Variants in RP1 observed in about 807,000 individuals in gnomAD.
The protein encoded by RP1 is oxygen-regulated protein 1.
Under a neutral mutation model 14.8 loss-of-function variants are expected in RP1, and 16 were observed. That is an observed-to-expected ratio of 1.08 (90% confidence interval 0.73 to 1.65). The LOEUF (loss-of-function observed/expected upper bound fraction) is 1.65, where lower values mean the gene tolerates loss of function less well. Ranked by LOEUF, RP1 falls within the 40% of genes most tolerant of loss-of-function variation. RP1 has a pLI of 0.00. For synonymous variants in RP1, 876 were observed against 883.6 expected, an observed-to-expected ratio of 0.99 and a Z score of 0.15; for missense variants, 2,631 against 2,535.0, an observed-to-expected ratio of 1.04 and a Z score of -0.81.
chr8:54,750,252 G>A (rs1304619853), intron 19 of RP1, among the ~76,000 whole-genome samples: 1 of 152,136 alleles, frequency 6.6e-6, no homozygotes, highest in Non-Finnish European at 1.5e-5. Context: ...ATAAACATGT[G>A]TTGAGCACTC....
intron 22 of RP1, among the ~76,000 whole-genome samples, chr8:54,760,619 C>T (rs1275400754): frequency 6.6e-6 from 1 of 152,160 alleles, no homozygotes; most frequent in Non-Finnish European, 1.5e-5. Context: ...CCATTCAAGG[C>T]TTTATAACAT....
intron 19 of RP1, among the ~76,000 whole-genome samples, chr8:54,739,670 C>A (rs1200275501): frequency 6.7e-6 from 1 of 148,736 alleles, no homozygotes; most frequent in African/African-American, 2.5e-5. Flanking sequence ...TTTCATGGTT[C>A]CTTGCAGACT....
At chr8:54,647,461 A>G (rs1222028634) in intron 3 of RP1, among the ~76,000 whole-genome samples, 1 of 152,150 alleles carries the variant, frequency 6.6e-6, no homozygotes, top group Non-Finnish European at 1.5e-5. Flanking sequence ...CATTAATTTA[A>G]TGTGTATTTA....
Position 54,630,381 on chromosome 8 carries a change from T to C in RP1, c.*28T>C, listed in dbSNP as rs199635513. ...TCAATATCAGCACACTCATTCTTTG[T>C]CAATTCATTTTTTCCCATGAGATGA... On this transcript the variant is annotated 3_prime_UTR_variant, in exon 4 of 4. Coordinates refer to ENST00000220676, the MANE Select transcript of RP1 (RefSeq NM_006269.2). The C allele has an allele frequency of 1.2e-6, 2 of 1,611,830 alleles. No individual in the cohort carries two copies. Among genetic ancestry groups the C allele is most frequent in the East Asian group, 4.5e-5 (2 of 44,804 alleles).
intron 1 of RP1, among the ~76,000 whole-genome samples, chr8:54,562,912 A>G (rs151102626): frequency 7.0e-4 from 106 of 152,284 alleles, no homozygotes; most frequent in African/African-American, 2.3e-3. Flanking sequence ...TTCTATTTCT[A>G]CAGGCTTTAG....
chr8:54,614,368 G>A (rs1805664622), upstream of RP1, among the ~76,000 whole-genome samples: 1 of 152,130 alleles, frequency 6.6e-6, no homozygotes, highest in Non-Finnish European at 1.5e-5. Flanking sequence ...TGCCAATGAG[G>A]CTTTTGGCAT....
rs192375255 is a variant in RP1, at chr8:54,781,851, G to A, written c.3452-1696G>A. ...TTCCACCCTTAAGGCCTATGTCATCGTGACATGCTAATTCCAAAAAGGAGG... is the reference window on the plus strand; with the variant it reads ...TTCCACCCTTAAGGCCTATGTCATCATGACATGCTAATTCCAAAAAGGAGG... On this transcript the variant is annotated intron_variant, in intron 23 of 28. Coordinates refer to the RP1 transcript ENST00000637698. Among the ~76,000 whole-genome samples, 6 of 152,180 alleles carry A rather than the reference G, an allele frequency of 3.9e-5. No homozygotes were observed. The East Asian group carries it at 5.8e-4, about 15-fold the overall frequency.
rs748777145 is a variant in RP1, at chr8:54,625,851, C to A, written c.1969C>A (p.Leu657Ile). Residue 657 changes from leucine to isoleucine, a missense_variant, in exon 4 of 4, where the codon CTT (leucine) becomes ATT (isoleucine). Transcript: ENST00000220676. ...ATTTGCTCAGTGTGGTTTAACAAAA[C>A]TTCCAAAAAATGAAAAGAAGATTTT... ...NEFAQCGLTKLPKNEKKILSS... is the reference protein window; with the variant it reads ...NEFAQCGLTKIPKNEKKILSS... 8.7e-6 allele frequency: 14 copies of A among 1,613,498 alleles called. No individual in the cohort carries two copies. The South Asian group carries it at 1.5e-4, about 18-fold the overall frequency.
At chr8:54,717,070 T>C (rs1808421433) in intron 15 of RP1, among the ~76,000 whole-genome samples, 1 of 152,170 alleles carries the variant, frequency 6.6e-6, no homozygotes, top group Non-Finnish European at 1.5e-5. Flanking sequence ...TTTCTCTATG[T>C]AATATATGGT....
At chr8:54,835,653 T>C (rs77109819) in intron 24 of RP1, among the ~76,000 whole-genome samples, 180 of 152,300 alleles carry the variant, frequency 1.2e-3, no homozygotes, top group African/African-American at 4.1e-3. Flanking sequence ...GTAAGATTGG[T>C]ACTATTGTAG....
At position 54,619,077 on chromosome 8, in the gene RP1, G is replaced by A. The variant is rs74359175; in HGVS notation, c.-12-1878G>A. Among the ~76,000 whole-genome samples the A allele has an allele frequency of 1.7e-4, 26 of 152,326 alleles. No individual in the cohort carries two copies. The East Asian group carries it at 4.2e-3, about 25-fold the overall frequency. On this transcript the variant is annotated intron_variant, in intron 1 of 3. Transcript: ENST00000220676. ...GTTGACCAGATGAGGATGAGAAGAG[G>A]TTGCAGTTTTGCTGACTCCATTGCG...
chr8:54,590,921 G>A (rs1198181908), intron 1 of RP1, among the ~76,000 whole-genome samples: 3 of 152,168 alleles, frequency 2.0e-5, no homozygotes, highest in African/African-American at 7.2e-5. Context: ...CCCCGTATCA[G>A]TAAATGGTCC....
chr8:54,616,965 T>G (rs1476441443), intron 1 of RP1, among the ~76,000 whole-genome samples: 1 of 152,178 alleles, frequency 6.6e-6, no homozygotes, highest in African/African-American at 2.4e-5. Context: ...CTAGCCACAG[T>G]TGAGCCTAAG....
intron 21 of RP1, chr8:54,758,842 A>T: frequency 1.3e-5 from 18 of 1,391,810 alleles, no homozygotes; most frequent in East Asian, 2.5e-5. Context: ...GCAGTCGTTT[A>T]ACTATTATTA....
intron 6 of RP1, among the ~76,000 whole-genome samples, chr8:54,661,623 C>T (rs1009071988): frequency 4.1e-4 from 63 of 152,078 alleles, no homozygotes; most frequent in Admixed American, 8.5e-4. Context: ...AGAATATCAA[C>T]TGATGTGAAA....
chr8:54,600,434 G>T (rs529606392), intron 1 of RP1, among the ~76,000 whole-genome samples: 98 of 152,320 alleles, frequency 6.4e-4, no homozygotes, highest in African/African-American at 2.2e-3. Flanking sequence ...TTACCCTGCA[G>T]AGTGGCGGGG....
rs115344193 is a variant in RP1 at position 54,649,290 on chromosome 8, C to T, written c.951+142C>T. The stretch of plus-strand genomic sequence containing the variant: ...AAAATAATTTATGGAAGTTTTTGCT[C>T]AAGCAGATTTAACACAAGTAAATCT... On this transcript the variant is annotated intron_variant, in intron 4 of 22. Coordinates refer to the RP1 transcript ENST00000636932. The T allele has an allele frequency of 2.4e-3, 1,507 of 639,186 alleles. 21 individuals are homozygous for T. The African/African-American group carries it at 0.026, about 11-fold the overall frequency. 39.6% of individuals were successfully genotyped at this position (639,186 alleles called of 1,614,324 possible).
intron 1 of RP1, among the ~76,000 whole-genome samples, chr8:54,592,355 G>T (rs1197681199): frequency 6.6e-6 from 1 of 152,156 alleles, no homozygotes; most frequent in East Asian, 1.9e-4. Context: ...ACTGTGCCAG[G>T]TTGGTATCAC....
intron 14 of RP1, among the ~76,000 whole-genome samples, chr8:54,702,703 T>G (rs1808055019): frequency 6.6e-6 from 1 of 152,170 alleles, no homozygotes; most frequent in African/African-American, 2.4e-5. Flanking sequence ...GATTTCTCTA[T>G]AGCATGCAAT....
Sources: gnomAD v4.1 joint callset for allele counts (sites outside exome capture counted in the v4.1 genomes callset) on GRCh38, gnomAD v4.1.1 for gene constraint, MANE v1.5 for transcripts, NCBI Gene and HGNC (gene_info 2026-07-23, HGNC 2026-07-21) for gene names.